The following MYLIP variants were observed in gnomAD, a reference collection of about 807,000 sequenced individuals.
The protein encoded by MYLIP is myosin regulatory light chain interacting protein, also known as E3 ubiquitin-protein ligase MYLIP.
A neutral mutation model predicts 45.8 loss-of-function variants in MYLIP; 26 were observed. The observed-to-expected ratio is 0.57, with a 90% CI of 0.42 to 0.79. MYLIP has a LOEUF of 0.79. Among genes scored for constraint, MYLIP ranks in the 30% least tolerant of loss-of-function variants. The pLI is 0.00. For synonymous variants in MYLIP, 213 were observed against 218.1 expected, an observed-to-expected ratio of 0.98 and a Z score of 0.21; for missense variants, 494 against 555.6, an observed-to-expected ratio of 0.89 and a Z score of 1.11.
At chr6:16,161,328 C>T in the MYLIP span, 38 of 310,782 alleles carry the variant, frequency 1.2e-4, no homozygotes, top group Middle Eastern at 5.5e-4. Context: ...CAGATGGGTG[C>T]CCACAATTAT....
rs1015558395 is a variant in MYLIP at position 16,129,830 on chromosome 6, G to T, written c.87+421G>T. 6.6e-6 allele frequency among the ~76,000 whole-genome samples: 1 copy of T among 152,242 alleles called. No individual in the cohort carries two copies. The highest frequency in any genetic ancestry group is 1.5e-5 in the Non-Finnish European group (1 of 68,034). On this transcript the variant is annotated intron_variant, in intron 1 of 6. Coordinates refer to ENST00000356840, the MANE Select transcript of MYLIP (RefSeq NM_013262.4). The surrounding 1 kb of genome is among the most constrained non-coding windows in gnomAD (Gnocchi z 5.1). Reference sequence around the variant, plus strand: ...ATGGAGTGGCTCGAAGCAGTCTCGGGCCCCAGGGGTTCTTGGCAGACAAGC... The same window carrying T: ...ATGGAGTGGCTCGAAGCAGTCTCGGTCCCCAGGGGTTCTTGGCAGACAAGC...
At position 16,129,587 on chromosome 6, in the gene MYLIP, C is replaced by T. The variant is rs998818924; in HGVS notation, c.87+178C>T. ...TGGGGCGCGCGGTCTCCTCCTGGCG[C>T]GCGTGGGGTGCGCGGAGAAAGCGCG... On this transcript the variant is annotated intron_variant, in intron 1 of 6. Transcript: ENST00000356840. The surrounding 1 kb of genome is among the most constrained non-coding windows in gnomAD (Gnocchi z 5.1). Among the ~76,000 whole-genome samples, 6 of 152,104 alleles carry T rather than the reference C, an allele frequency of 3.9e-5. No individual in the cohort carries two copies. The highest frequency in any genetic ancestry group is 5.9e-5 in the Non-Finnish European group (4 of 67,984).
downstream of MYLIP, among the ~76,000 whole-genome samples, chr6:16,149,657 G>C (rs772833721): frequency 6.6e-6 from 1 of 152,208 alleles, no homozygotes; most frequent in Non-Finnish European, 1.5e-5. Flanking sequence ...TTCAGAACAA[G>C]GAACTTTTGG....
chr6:16,150,361 A>T (rs1041907208), downstream of MYLIP, among the ~76,000 whole-genome samples: 1 of 152,154 alleles, frequency 6.6e-6, no homozygotes, highest in African/African-American at 2.4e-5. Flanking sequence ...GTGCATTTTC[A>T]GAAGTGAGGG....
intron 2 of MYLIP, among the ~76,000 whole-genome samples, chr6:16,140,476 G>A (rs1360906739): frequency 6.6e-6 from 1 of 152,062 alleles, no homozygotes; most frequent in African/African-American, 2.4e-5. Context: ...TACATTTTTG[G>A]AGCTCTCTGA....
chr6:16,144,845 G>A lies in MYLIP; in HGVS notation c.828-52G>A, dbSNP rs1759750850. ...GTTCTTATTGACAACAGCGAATAAG[G>A]GTGCTGCCAGGCTCTTTGGTGTTAA... is the stretch of plus-strand genomic sequence containing the variant. On this transcript the variant is annotated intron_variant, in intron 5 of 6. Transcript: ENST00000356840. 5.8e-6 allele frequency: 9 copies of A among 1,554,116 alleles called. No individual in the cohort carries two copies. The South Asian group carries it at 1.1e-4, about 19-fold the overall frequency.
At chr6:16,148,443 CTTT>C (rs755832345), downstream of MYLIP, among the ~76,000 whole-genome samples, 1 of 106,796 alleles carries the variant, frequency 9.4e-6, no homozygotes, top group Non-Finnish European at 2.0e-5. Context: ...AGAGTATAGT[CTTT>C]TTTTTTTTTT....
intron 6 of MYLIP, among the ~76,000 whole-genome samples, chr6:16,145,928 A>G (rs1009268765): frequency 5.9e-5 from 9 of 152,198 alleles, no homozygotes; most frequent in Non-Finnish European, 7.4e-5. Context: ...TTCCTCTTAC[A>G]AGTTTTTTCA....
chr6:16,144,674 G>A (rs1196243171), intron 5 of MYLIP, among the ~76,000 whole-genome samples: 1 of 152,148 alleles, frequency 6.6e-6, no homozygotes, highest in African/African-American at 2.4e-5. Context: ...ACTGCCCTCT[G>A]TATTTACTGC....
At chr6:16,162,792 A>AAAAAAAAGAAAAAG in the MYLIP span, among the ~76,000 whole-genome samples, 5 of 150,200 alleles carry the variant, frequency 3.3e-5, no homozygotes, top group African/African-American at 1.2e-4. Context: ...CTCTAAAAAA[A>AAAAAAAAGAAAAAG]AAAAAAAAAA....
intron 2 of MYLIP, among the ~76,000 whole-genome samples, chr6:16,136,613 T>A (rs1011480457): frequency 2.6e-5 from 4 of 152,216 alleles, no homozygotes; most frequent in African/African-American, 7.2e-5. Flanking sequence ...AATAGCTGGG[T>A]CATGGAGTAA....
intron 6 of MYLIP, 110 bp downstream of exon 6, chr6:16,145,427 C>T: frequency 8.0e-7 from 1 of 1,251,786 alleles, no homozygotes; most frequent in Non-Finnish European, 1.1e-6. Context: ...GAATGCCCAT[C>T]TTCACCCGGA....
chr6:16,141,393 G>A (rs1759669061), intron 2 of MYLIP, among the ~76,000 whole-genome samples: 1 of 152,150 alleles, frequency 6.6e-6, no homozygotes, highest in South Asian at 2.1e-4. Context: ...CCGAACTTGT[G>A]TTAAATAAGT....
Position 16,146,930 on chromosome 6 carries a change from G to A in MYLIP, c.*179G>A, listed in dbSNP as rs1418626286. Reference sequence around the variant, plus strand: ...CCTCACTGCAAAAACATATCCATGCGTAGAATCAACAACTCCAGTCATGGG... The same window carrying A: ...CCTCACTGCAAAAACATATCCATGCATAGAATCAACAACTCCAGTCATGGG... On this transcript the variant is annotated 3_prime_UTR_variant, in exon 7 of 7. Transcript: ENST00000356840. 2.3e-5 allele frequency: 12 copies of A among 523,610 alleles called. No homozygotes were observed. The highest frequency in any genetic ancestry group is 3.7e-5 in the Non-Finnish European group (11 of 294,066). 32.4% of individuals were successfully genotyped at this position (523,610 alleles called of 1,614,324 possible). A position where few individuals can be genotyped will look rare whatever the true frequency, so the allele number is the denominator to read the frequency against.
the MYLIP span, among the ~76,000 whole-genome samples, chr6:16,163,144 T>C: frequency 6.6e-6 from 1 of 152,184 alleles, no homozygotes; most frequent in East Asian, 1.9e-4. Flanking sequence ...CACCCAGCCC[T>C]TACCATCTCC....
intron 2 of MYLIP, among the ~76,000 whole-genome samples, chr6:16,140,320 G>C (rs559118303): frequency 2.6e-5 from 4 of 151,442 alleles, no homozygotes; most frequent in Non-Finnish European, 5.9e-5. Context: ...AGTGTGACCA[G>C]TATCTGAATT....
chr6:16,131,011 A>C (rs2113506397), intron 2 of MYLIP, among the ~76,000 whole-genome samples: 1 of 141,030 alleles, frequency 7.1e-6, no homozygotes, highest in African/African-American at 2.7e-5. Context: ...CAAACACTTG[A>C]GATAAGTGCT....
At chr6:16,140,339 G>C (rs1033379016) in intron 2 of MYLIP, among the ~76,000 whole-genome samples, 7 of 137,168 alleles carry the variant, frequency 5.1e-5, no homozygotes, top group African/African-American at 2.1e-4. Flanking sequence ...TTTTACAGGA[G>C]TTTTTAAGTG....
In MYLIP at chr6:16,141,608, C is replaced by A; in HGVS notation, c.279-17C>A. 6.2e-7 allele frequency: 1 copy of A among 1,605,574 alleles called. No homozygotes were observed. Among genetic ancestry groups the A allele is most frequent in the Non-Finnish European group, 8.5e-7 (1 of 1,173,768 alleles). ...GGTTATCCCCAAGCATAACCTCACT[C>A]TCACCTTGCTTTGCAGGCATATCTT... On this transcript the variant is annotated splice_polypyrimidine_tract_variant and intron_variant, in intron 2 of 6. Coordinates refer to ENST00000356840, the MANE Select transcript of MYLIP (RefSeq NM_013262.4).
Sources: allele counts gnomAD v4.1 joint callset (sites outside exome capture counted in the v4.1 genomes callset), GRCh38; gene constraint gnomAD v4.1.1; non-coding constraint Gnocchi (gnomAD v3.1); transcripts MANE v1.5; gene names NCBI Gene and HGNC (gene_info 2026-07-23, HGNC 2026-07-21).